Variants in CELF2 observed in about 807,000 individuals in gnomAD.
CELF2 encodes the protein CUGBP Elav-like family member 2.
A neutral mutation model predicts 62.6 loss-of-function variants in CELF2; 8 were observed. The ratio of observed to expected loss-of-function variants is 0.13; its 90% confidence interval spans 0.07 to 0.23. The LOEUF is 0.23. CELF2 is among the 10% of genes least tolerant of loss of function. CELF2 has a pLI of 1.00. For missense variants in CELF2, 333 were observed against 671.0 expected (o/e 0.50, Z 5.56); for synonymous variants, 258 against 250.0 (o/e 1.03, Z -0.30).
At chr10:10,915,218 T>C (rs1027690263) in intron 1 of CELF2, among the ~76,000 whole-genome samples, 1 of 152,054 alleles carries the variant, frequency 6.6e-6, no homozygotes, top group Non-Finnish European at 1.5e-5. Flanking sequence ...GGAAAGGAAA[T>C]TAGTACAATT....
intron 1 of CELF2, among the ~76,000 whole-genome samples, chr10:10,826,475 T>C (rs1224895812): frequency 1.3e-5 from 2 of 152,246 alleles, no homozygotes; most frequent in Admixed American, 1.3e-4. Context: ...AGTGTGAGTA[T>C]GTCTCAAATA....
At chr10:11,294,024 T>C (rs1416516400) in intron 9 of CELF2, among the ~76,000 whole-genome samples, 1 of 152,208 alleles carries the variant, frequency 6.6e-6, no homozygotes, top group Non-Finnish European at 1.5e-5. Context: ...TACAGGTGAA[T>C]ACTCAGGTCC....
intron 1 of CELF2, among the ~76,000 whole-genome samples, chr10:11,048,762 G>C (rs2063322390): frequency 6.6e-6 from 1 of 152,192 alleles, no homozygotes; most frequent in African/African-American, 2.4e-5. Flanking sequence ...AGCCAATCTG[G>C]TTCTTATTCA....
the CELF2 span, among the ~76,000 whole-genome samples, chr10:10,757,309 A>C: frequency 3.3e-5 from 5 of 151,604 alleles, no homozygotes; most frequent in Non-Finnish European, 7.4e-5. Flanking sequence ...AAATAAAATA[A>C]TTAGATGGGC....
intron 5 of CELF2, among the ~76,000 whole-genome samples, chr10:11,265,619 A>G (rs1446790094): frequency 1.3e-5 from 2 of 152,254 alleles, no homozygotes; most frequent in Non-Finnish European, 2.9e-5. Context: ...TAAAATGTAA[A>G]TTTGAGAAGG....
chr10:10,635,868 AG>A, the CELF2 span, among the ~76,000 whole-genome samples: 1 of 152,218 alleles, frequency 6.6e-6, no homozygotes, highest in Non-Finnish European at 1.5e-5. Context: ...CCACTTCCTT[AG>A]TGCTTGCTGT....
the CELF2 span, among the ~76,000 whole-genome samples, chr10:10,639,392 TA>T: frequency 1.3e-5 from 2 of 152,252 alleles, no homozygotes; most frequent in African/African-American, 2.4e-5. Flanking sequence ...TTGCAGGACT[TA>T]TGCCTCTTTG....
At chr10:11,186,071 T>C (rs1474103359) in intron 2 of CELF2, among the ~76,000 whole-genome samples, 2 of 152,194 alleles carry the variant, frequency 1.3e-5, no homozygotes, top group African/African-American at 4.8e-5. Context: ...TCCTTTCAGA[T>C]AATATGTCCA....
the CELF2 span, among the ~76,000 whole-genome samples, chr10:10,578,576 G>A: frequency 6.6e-6 from 1 of 152,070 alleles, no homozygotes; most frequent in East Asian, 1.9e-4. Context: ...TCGTATATCA[G>A]AGGAATAATC....
the CELF2 span, among the ~76,000 whole-genome samples, chr10:10,699,383 A>T: frequency 1.3e-5 from 2 of 152,214 alleles, no homozygotes; most frequent in Non-Finnish European, 2.9e-5. Context: ...GGCAGGTGGT[A>T]GAGATGGGGA....
At chr10:10,608,570 T>C in the CELF2 span, among the ~76,000 whole-genome samples, 42,189 of 151,916 alleles carry the variant, frequency 0.28, 6,250 homozygotes, top group South Asian at 0.51. Context: ...TAAGGAAAGA[T>C]TTAAAACTCA....
chr10:10,976,781 T>A (rs1271217741), intron 2 of CELF2, among the ~76,000 whole-genome samples: 1 of 152,180 alleles, frequency 6.6e-6, no homozygotes, highest in Non-Finnish European at 1.5e-5. Context: ...CCTTTCAGGG[T>A]CTGACTTCCT....
chr10:10,509,799 T>C, the CELF2 span, among the ~76,000 whole-genome samples: 2 of 152,212 alleles, frequency 1.3e-5, no homozygotes, highest in Non-Finnish European at 2.9e-5. Flanking sequence ...GGGACCACTG[T>C]AGTCGCTTTG....
chr10:10,748,520 G>A, the CELF2 span, among the ~76,000 whole-genome samples: 12 of 152,066 alleles, frequency 7.9e-5, no homozygotes, highest in East Asian at 9.7e-4. Context: ...AGGCTAAGGT[G>A]GGCGGATCAC....
At position 11,165,745 on chromosome 10, in the gene CELF2, T is replaced by C. The variant is rs1251520113; in HGVS notation, c.271+63T>C. Reference sequence around the variant, plus strand: ...TGGGCGTCGCGGGGCACTGGGGCTGTCCGAGCCCCCAGCCTGCAGGAGGAA... The same window carrying C: ...TGGGCGTCGCGGGGCACTGGGGCTGCCCGAGCCCCCAGCCTGCAGGAGGAA... On this transcript the variant is annotated intron_variant, in intron 2 of 12. Transcript: ENST00000633077. The surrounding 1 kb of genome is among the most constrained non-coding windows in gnomAD (Gnocchi z 7.4). 49 of 1,450,068 alleles carry C rather than the reference T, an allele frequency of 3.4e-5. No homozygotes were observed. The highest frequency in any genetic ancestry group is 4.0e-5 in the Non-Finnish European group (43 of 1,072,966). 89.8% of individuals were successfully genotyped at this position (1,450,068 alleles called of 1,614,324 possible). A position where few individuals can be genotyped will look rare whatever the true frequency, so the allele number is the denominator to read the frequency against.
chr10:10,576,648 G>A, the CELF2 span, among the ~76,000 whole-genome samples: 16 of 152,094 alleles, frequency 1.1e-4, no homozygotes, highest in South Asian at 4.2e-4. Flanking sequence ...TCAAATATCC[G>A]TTAACCATCT....
At chr10:10,749,994 A>G in the CELF2 span, among the ~76,000 whole-genome samples, 1 of 152,220 alleles carries the variant, frequency 6.6e-6, no homozygotes, top group Non-Finnish European at 1.5e-5. Context: ...ATCAAAAGCA[A>G]TGCCATAGGC....
chr10:11,164,403 T>A (rs1217409864), intron 1 of CELF2, among the ~76,000 whole-genome samples: 1 of 152,254 alleles, frequency 6.6e-6, no homozygotes, highest in Non-Finnish European at 1.5e-5. Flanking sequence ...CACAGCATTC[T>A]CTTCCAAATG....
the CELF2 span, among the ~76,000 whole-genome samples, chr10:10,672,842 A>G: frequency 6.6e-6 from 1 of 152,140 alleles, no homozygotes; most frequent in East Asian, 1.9e-4. Flanking sequence ...CAACTTGCTG[A>G]GATTTTCATT....
Sources: allele counts gnomAD v4.1 joint callset (sites outside exome capture counted in the v4.1 genomes callset), GRCh38; gene constraint gnomAD v4.1.1; non-coding constraint Gnocchi (gnomAD v3.1); transcripts MANE v1.5; gene names NCBI Gene and HGNC (gene_info 2026-07-23, HGNC 2026-07-21).